NUMB: variants seen among roughly 807,000 people sequenced by gnomAD.
The protein encoded by NUMB is NUMB endocytic adaptor protein, also known as protein numb homolog.
Under a neutral mutation model 59.7 loss-of-function variants are expected in NUMB, and 29 were observed. That is an observed-to-expected ratio of 0.49 (90% CI 0.36 to 0.66). The LOEUF is 0.66. Among genes scored for constraint, NUMB ranks in the 30% least tolerant of loss-of-function variants. The pLI is 0.00. For synonymous variants in NUMB, 288 were observed against 288.2 expected, an observed-to-expected ratio of 1.00 and a Z score of 0.01; for missense variants, 723 against 822.0, an observed-to-expected ratio of 0.88 and a Z score of 1.47.
chr14:73,319,111 C>A (rs1891252642), intron 5 of NUMB, among the ~76,000 whole-genome samples: 1 of 151,852 alleles, frequency 6.6e-6, no homozygotes, highest in Non-Finnish European at 1.5e-5. Flanking sequence ...CCGTCTCATA[C>A]AATTAGCTGA....
intron 2 of NUMB, among the ~76,000 whole-genome samples, chr14:73,406,736 C>T (rs1394683875): frequency 6.6e-6 from 1 of 152,124 alleles, no homozygotes; most frequent in Non-Finnish European, 1.5e-5. Context: ...CCTATTTCTC[C>T]ACATCCTCTC....
intron 3 of NUMB, among the ~76,000 whole-genome samples, chr14:73,363,786 TA>T (rs1212067729): frequency 6.6e-6 from 1 of 152,046 alleles, no homozygotes; most frequent in Non-Finnish European, 1.5e-5. Context: ...TCATCTCTAC[TA>T]AAAATTTTAA....
At chr14:73,365,046 CTT>C (rs764527440) in intron 3 of NUMB, among the ~76,000 whole-genome samples, 1 of 151,952 alleles carries the variant, frequency 6.6e-6, no homozygotes, top group African/African-American at 2.4e-5. Flanking sequence ...AATAAGGTCT[CTT>C]CTTTTTTCTT....
chr14:73,394,075 C>A (rs1160332404), intron 2 of NUMB, among the ~76,000 whole-genome samples: 4 of 151,930 alleles, frequency 2.6e-5, no homozygotes, highest in Non-Finnish European at 5.9e-5. Flanking sequence ...AAGCGATTCT[C>A]CTGCCTTAGC....
intron 1 of NUMB, among the ~76,000 whole-genome samples, chr14:73,447,490 AAAAT>A (rs776134488): frequency 1.3e-5 from 2 of 152,110 alleles, no homozygotes; most frequent in African/African-American, 4.8e-5. Flanking sequence ...TCCATCTCAA[AAAAT>A]AAATAAATAT....
Position 73,439,836 on chromosome 14 carries a change from C to T in NUMB, c.-233+18657G>A, listed in dbSNP as rs117457597. ...TTAAGTCACATGTTTAAGGACCTGA[C>T]CCTGATTTCTATTTAATGGCTTAGC... On this transcript the variant is annotated intron_variant, in intron 1 of 12. Transcript: ENST00000555238. 6.8e-3 allele frequency among the ~76,000 whole-genome samples: 1,035 copies of T among 152,100 alleles called. 5 individuals are homozygous for T. The highest frequency in any genetic ancestry group is 0.03 in the South Asian group (143 of 4,816).
At chr14:73,392,702 A>G (rs1895912534) in intron 2 of NUMB, among the ~76,000 whole-genome samples, 1 of 152,212 alleles carries the variant, frequency 6.6e-6, no homozygotes, top group Non-Finnish European at 1.5e-5. Flanking sequence ...AAATGTTGCA[A>G]TTTACTCTTC....
intron 3 of NUMB, among the ~76,000 whole-genome samples, chr14:73,365,738 T>C (rs908749433): frequency 2.6e-5 from 4 of 152,250 alleles, no homozygotes; most frequent in African/African-American, 9.6e-5. Flanking sequence ...TCATGGATAT[T>C]TATGCAACAG....
At chr14:73,384,617 G>A (rs1226547190) in intron 2 of NUMB, among the ~76,000 whole-genome samples, 2 of 152,124 alleles carry the variant, frequency 1.3e-5, no homozygotes, top group East Asian at 1.9e-4. Flanking sequence ...GCCTACGCTG[G>A]AGTGCCATAG....
intron 4 of NUMB, among the ~76,000 whole-genome samples, chr14:73,335,849 T>C (rs905016693): frequency 1.3e-5 from 2 of 152,200 alleles, no homozygotes; most frequent in African/African-American, 4.8e-5. Flanking sequence ...ATACATAGCC[T>C]ATGCTATATA....
chr14:73,403,032 C>T (rs1267450534), intron 2 of NUMB, among the ~76,000 whole-genome samples: 1 of 152,210 alleles, frequency 6.6e-6, no homozygotes, highest in African/African-American at 2.4e-5. Context: ...CCTTGCCTCT[C>T]ATTACAGAGG....
intron 4 of NUMB, among the ~76,000 whole-genome samples, chr14:73,336,321 G>A (rs1315733001): frequency 2.0e-5 from 3 of 152,190 alleles, no homozygotes; most frequent in Non-Finnish European, 2.9e-5. Context: ...CAGAATTGGA[G>A]TACAGTTATT....
chr14:73,287,346 A>G, intron 8 of NUMB, 32 bp from the exon 9 acceptor site: 2 of 1,517,016 alleles, frequency 1.3e-6, no homozygotes, highest in Non-Finnish European at 1.8e-6. Flanking sequence ...GCTTTTCAGA[A>G]TTACACTACT....
chr14:73,344,575 C>T (rs892512968), intron 4 of NUMB, among the ~76,000 whole-genome samples: 1 of 152,202 alleles, frequency 6.6e-6, no homozygotes, highest in African/African-American at 2.4e-5. Flanking sequence ...TCCATCTGGT[C>T]TATCCTATTT....
intron 6 of NUMB, 179 bp from the exon 7 acceptor site, chr14:73,297,464 A>G: frequency 2.1e-6 from 1 of 484,680 alleles, no homozygotes; most frequent in Non-Finnish European, 3.7e-6. Context: ...ACATTCAGGA[A>G]AAAACAAGCC....
At chr14:73,304,052 TG>T (rs1890289506) in intron 6 of NUMB, among the ~76,000 whole-genome samples, 2 of 152,122 alleles carry the variant, frequency 1.3e-5, no homozygotes. Context: ...CAACATACAG[TG>T]GATCTATTAC....
chr14:73,382,187 C>A (rs766734091), intron 2 of NUMB, among the ~76,000 whole-genome samples: 1 of 152,198 alleles, frequency 6.6e-6, no homozygotes, highest in Non-Finnish European at 1.5e-5. Context: ...GCTCTTGTTG[C>A]CCAGGCTGGA....
At chr14:73,456,967 T>C (rs553004823) in intron 1 of NUMB, among the ~76,000 whole-genome samples, 1 of 152,252 alleles carries the variant, frequency 6.6e-6, no homozygotes, top group South Asian at 2.1e-4. Flanking sequence ...GTCAGGTCTT[T>C]ATCGTCTATT....
At chr14:73,417,445 C>T (rs530059481) in intron 1 of NUMB, among the ~76,000 whole-genome samples, 14 of 152,048 alleles carry the variant, frequency 9.2e-5, no homozygotes, top group African/African-American at 2.7e-4. Context: ...CTGAGCCATA[C>T]CGCTATCACA....
Sources: allele counts gnomAD v4.1 joint callset (sites outside exome capture counted in the v4.1 genomes callset), GRCh38; gene constraint gnomAD v4.1.1; transcripts MANE v1.5; gene names NCBI Gene and HGNC (gene_info 2026-07-23, HGNC 2026-07-21).